YTHDC2: variants seen among roughly 807,000 people sequenced by gnomAD.
YTHDC2 encodes the protein YTH N6-methyladenosine RNA binding protein C2.
YTHDC2 carries 45 observed loss-of-function variants against 174.9 expected under a neutral mutation model. That is an observed-to-expected ratio of 0.26 (90% CI 0.20 to 0.33). YTHDC2 has a LOEUF of 0.33. YTHDC2 is among the 10% of genes least tolerant of loss of function. YTHDC2 has a pLI of 1.00. For missense variants in YTHDC2, 1,650 were observed against 1,723.7 expected (o/e 0.96, Z 0.76); for synonymous variants, 657 against 574.5 (o/e 1.14, Z -2.05).
At chr5:113,576,510 A>G (rs987875099) in intron 23 of YTHDC2, among the ~76,000 whole-genome samples, 1 of 152,168 alleles carries the variant, frequency 6.6e-6, no homozygotes, top group Admixed American at 6.5e-5. Context: ...ATGTATAGAT[A>G]TTATTCATGG....
rs371358074 is a variant in YTHDC2, at chr5:113,579,576, A to G, written c.3245-10A>G. On this transcript the variant is annotated splice_polypyrimidine_tract_variant and intron_variant, in intron 23 of 29. Coordinates refer to ENST00000161863, the MANE Select transcript of YTHDC2 (RefSeq NM_022828.5). ...AAAAGTGATTTTTTTTTCATTATGTACTTGGACAGTGGATGGCATTCCCAA... is the reference window on the plus strand; with the variant it reads ...AAAAGTGATTTTTTTTTCATTATGTGCTTGGACAGTGGATGGCATTCCCAA... 1.3e-6 allele frequency: 2 copies of G among 1,583,730 alleles called. No homozygotes were observed. Among genetic ancestry groups the G allele is most frequent in the Non-Finnish European group, 8.6e-7 (1 of 1,165,964 alleles).
In YTHDC2 at chr5:113,521,219, A is replaced by G. The variant is rs564140574; in HGVS notation, c.279-3762A>G. Among the ~76,000 whole-genome samples, 6 of 152,334 alleles carry G rather than the reference A, an allele frequency of 3.9e-5. No homozygotes were observed. In the South Asian group the frequency reaches 8.3e-4, roughly 21 times the overall value. ...GTCTATTTTAACACCTGGCACCTAT[A>G]TAACAGATGAGGCAATTAAAGCCTA... On this transcript the variant is annotated intron_variant, in intron 2 of 29. Transcript: ENST00000161863.
chr5:113,533,082 G>C (rs754659204), intron 5 of YTHDC2, 37 bp downstream of exon 5: 16 of 1,601,100 alleles, frequency 1.0e-5, no homozygotes, highest in Middle Eastern at 3.3e-4. Context: ...CTTTTATCAT[G>C]CTTAAAAAAG....
intron 9 of YTHDC2, among the ~76,000 whole-genome samples, chr5:113,541,487 A>G (rs4705553): frequency 0.29 from 44,396 of 151,948 alleles, 7,955 homozygotes; most frequent in African/African-American, 0.49. Context: ...CACTGCACCC[A>G]GCCAAGAGAT....
At chr5:113,577,584 G>T (rs1161625627) in intron 23 of YTHDC2, among the ~76,000 whole-genome samples, 1 of 152,036 alleles carries the variant, frequency 6.6e-6, no homozygotes, top group Non-Finnish European at 1.5e-5. Context: ...TGCCCAGGCT[G>T]GTCTCAAACT....
intron 21 of YTHDC2, 81 bp downstream of exon 21, chr5:113,566,100 G>T: frequency 1.5e-6 from 2 of 1,361,026 alleles, no homozygotes; most frequent in Non-Finnish European, 2.0e-6. Flanking sequence ...TATGTTAACT[G>T]ATGCCATCTA....
rs1356470246 is a variant in YTHDC2 at position 113,526,790 on chromosome 5, G to GTTT, written c.675+6_675+8dup. 8.4e-7 allele frequency: 1 copy of GTTT among 1,187,306 alleles called. No individual in the cohort carries two copies. Among genetic ancestry groups the GTTT allele is most frequent in the Non-Finnish European group, 1.1e-6 (1 of 940,572 alleles). The allele number at this position is 1,187,306 out of a possible 1,614,324, so 73.5% of individuals were successfully genotyped here. A position where few individuals can be genotyped will look rare whatever the true frequency, so the allele number is the denominator to read the frequency against. The stretch of plus-strand genomic sequence containing the variant: ...GGGTCTGGAAAGACCACACAGGTTT[G>GTTT]TTTCTTTTTTGTTGTTTATAGAAAA... On this transcript the variant is annotated splice_donor_region_variant and intron_variant, in intron 4 of 29. Coordinates refer to ENST00000161863, the MANE Select transcript of YTHDC2 (RefSeq NM_022828.5).
intron 16 of YTHDC2, among the ~76,000 whole-genome samples, chr5:113,555,286 A>G (rs1470677762): frequency 1.3e-5 from 2 of 152,014 alleles, no homozygotes; most frequent in Admixed American, 1.3e-4. Flanking sequence ...GTAATGTCAT[A>G]TTAAAAACCA....
chr5:113,542,128 G>A (rs935456303), intron 9 of YTHDC2, among the ~76,000 whole-genome samples: 3 of 152,126 alleles, frequency 2.0e-5, no homozygotes, highest in African/African-American at 7.2e-5. Flanking sequence ...AATTAACATC[G>A]TGACTAGATC....
At chr5:113,530,548 C>G (rs1580498599) in intron 4 of YTHDC2, among the ~76,000 whole-genome samples, 1 of 151,882 alleles carries the variant, frequency 6.6e-6, no homozygotes, top group African/African-American at 2.4e-5. Flanking sequence ...ACAAAATAAC[C>G]CTAATTCCTC....
At chr5:113,583,154 C>T (rs1179954769) in intron 25 of YTHDC2, 2 of 152,020 alleles carry the variant, frequency 1.3e-5, no homozygotes, top group Admixed American at 6.6e-5. Context: ...TCAAAGGAAT[C>T]AATAATTTGA....
intron 2 of YTHDC2, among the ~76,000 whole-genome samples, chr5:113,520,370 A>G (rs1425411340): frequency 6.6e-6 from 1 of 152,270 alleles, no homozygotes; most frequent in African/African-American, 2.4e-5. Context: ...AGAAGATATT[A>G]GAAATGAAAA....
At chr5:113,576,393 A>C (rs183777804) in intron 23 of YTHDC2, among the ~76,000 whole-genome samples, 3 of 152,274 alleles carry the variant, frequency 2.0e-5, no homozygotes, top group South Asian at 4.1e-4. Flanking sequence ...TTATGAGATT[A>C]TGGGGCATTG....
At chr5:113,537,542 CTT>C (rs373728751) in intron 7 of YTHDC2, among the ~76,000 whole-genome samples, 2 of 144,216 alleles carry the variant, frequency 1.4e-5, no homozygotes, top group African/African-American at 2.5e-5. Flanking sequence ...GATCCGTTTC[CTT>C]TTTTTTTTTT....
At chr5:113,570,708 C>A (rs147642320) in intron 23 of YTHDC2, among the ~76,000 whole-genome samples, 2 of 151,512 alleles carry the variant, frequency 1.3e-5, no homozygotes, top group African/African-American at 4.9e-5. Context: ...TGGAGTGCAG[C>A]GGTGTGATCT....
At chr5:113,579,402 C>T (rs953533941) in intron 23 of YTHDC2, among the ~76,000 whole-genome samples, 184 bp from the exon 24 acceptor site, 14 of 151,646 alleles carry the variant, frequency 9.2e-5, no homozygotes, top group Admixed American at 7.2e-4. Context: ...CAAATGGTCC[C>T]TTTTTTTTCC....
At chr5:113,537,534 T>A (rs555588622) in intron 7 of YTHDC2, among the ~76,000 whole-genome samples, 182 of 151,962 alleles carry the variant, frequency 1.2e-3, no homozygotes, top group African/African-American at 4.3e-3. Context: ...ATTCCCTTGA[T>A]CCGTTTCCTT....
At chr5:113,540,034 A>G (rs925826181) in intron 8 of YTHDC2, among the ~76,000 whole-genome samples, 4 of 152,208 alleles carry the variant, frequency 2.6e-5, no homozygotes, top group African/African-American at 9.6e-5. Flanking sequence ...CTTGAGATGT[A>G]GACCACTGTG....
chr5:113,537,865 T>A (rs1580520113), intron 7 of YTHDC2, among the ~76,000 whole-genome samples: 1 of 152,154 alleles, frequency 6.6e-6, no homozygotes, highest in Non-Finnish European at 1.5e-5. Context: ...ATCACCTGAA[T>A]CACAAACCTA....
Sources: gnomAD v4.1 joint callset for allele counts (sites outside exome capture counted in the v4.1 genomes callset) on GRCh38, gnomAD v4.1.1 for gene constraint, MANE v1.5 for transcripts, NCBI Gene and HGNC (gene_info 2026-07-23, HGNC 2026-07-21) for gene names.